The following SDHAF3 variants were observed in gnomAD, a reference collection of about 807,000 sequenced individuals.
SDHAF3 encodes the protein succinate dehydrogenase assembly factor 3, mitochondrial.
A neutral mutation model predicts 11.5 loss-of-function variants in SDHAF3; 18 were observed. That is an observed-to-expected ratio of 1.56 (90% CI 1.08 to 2.32). The LOEUF is 2.32. Among genes scored for constraint, SDHAF3 ranks in the 30% most tolerant of loss-of-function variants. SDHAF3 has a pLI of 0.00. For missense variants in SDHAF3, 200 were observed against 154.4 expected (o/e 1.30, Z -1.57); for synonymous variants, 72 against 59.3 (o/e 1.21, Z -0.99).
chr7:97,160,692 G>A (rs1262972383), intron 1 of SDHAF3, among the ~76,000 whole-genome samples: 1 of 152,228 alleles, frequency 6.6e-6, no homozygotes, highest in African/African-American at 2.4e-5. Flanking sequence ...TGTGACTGTG[G>A]TGAAAGGCAG....
chr7:97,168,537 G>C (rs1040260855), intron 1 of SDHAF3, among the ~76,000 whole-genome samples: 2 of 152,192 alleles, frequency 1.3e-5, no homozygotes, highest in African/African-American at 2.4e-5. Context: ...GGTTAGGTCA[G>C]ATCTCTTTCA....
intron 1 of SDHAF3, among the ~76,000 whole-genome samples, chr7:97,167,847 C>T (rs953439775): frequency 6.6e-6 from 1 of 152,180 alleles, no homozygotes; most frequent in African/African-American, 2.4e-5. Context: ...AGGCAGGAGG[C>T]AGACAAATGC....
chr7:97,133,020 G>A (rs1159989393), intron 1 of SDHAF3, among the ~76,000 whole-genome samples: 1 of 152,092 alleles, frequency 6.6e-6, no homozygotes, highest in East Asian at 1.9e-4. Flanking sequence ...TGTGAAGAGG[G>A]CTCTCATTTC....
rs1467277997 is a variant in SDHAF3 at position 97,117,848 on chromosome 7, A to G, written c.125A>G (p.His42Arg). ...TACGTGAAAGACGAATTTAGGAGAC[A>G]TAAGACCGTTGGTTCTGACGAGGCA... Reference protein sequence around the residue: ...DQYVKDEFRRHKTVGSDEAQR... With the variant: ...DQYVKDEFRRRKTVGSDEAQR... The change falls in exon 1 of 2, where the codon CAT becomes CGT. Residue 42 changes from histidine (H) to arginine (R), a missense_variant. Physicochemically the swap from His to Arg is conservative, Grantham distance 29 (BLOSUM62 0). Coordinates refer to ENST00000432641, the MANE Select transcript of SDHAF3 (RefSeq NM_020186.3). The G allele has an allele frequency of 8.1e-6, 13 of 1,614,120 alleles. No individual in the cohort carries two copies. Among genetic ancestry groups the G allele is most frequent in the African/African-American group, 1.3e-5 (1 of 74,950 alleles).
At chr7:97,123,665 C>T (rs1267090080) in intron 1 of SDHAF3, among the ~76,000 whole-genome samples, 1 of 152,058 alleles carries the variant, frequency 6.6e-6, no homozygotes, top group Non-Finnish European at 1.5e-5. Flanking sequence ...CTGTAGTTTC[C>T]TGATGTTTTA....
intron 1 of SDHAF3, among the ~76,000 whole-genome samples, chr7:97,154,058 C>A (rs1745477680): frequency 6.6e-6 from 1 of 152,020 alleles, no homozygotes; most frequent in South Asian, 2.1e-4. Flanking sequence ...ATCATTAGTT[C>A]TTATAGGTTT....
chr7:97,151,518 A>C (rs1250859102), intron 1 of SDHAF3, among the ~76,000 whole-genome samples: 1 of 100,194 alleles, frequency 1.0e-5, no homozygotes, highest in Non-Finnish European at 2.1e-5. Context: ...TTTTTTTTTG[A>C]GTTGGAGTCT....
chr7:97,157,818 C>T (rs1330844352), intron 1 of SDHAF3, among the ~76,000 whole-genome samples: 1 of 151,916 alleles, frequency 6.6e-6, no homozygotes. Context: ...TTTGTAGGGA[C>T]ATGGATGAAG....
chr7:97,156,536 TTTAA>T (rs1175961168), intron 1 of SDHAF3, among the ~76,000 whole-genome samples: 1 of 152,178 alleles, frequency 6.6e-6, no homozygotes, highest in Non-Finnish European at 1.5e-5. Flanking sequence ...TAGGGGTTAG[TTTAA>T]TTAAACTAGA....
chr7:97,118,088 C>T (rs1453733073), intron 1 of SDHAF3, among the ~76,000 whole-genome samples, 191 bp downstream of exon 1: 1 of 152,204 alleles, frequency 6.6e-6, no homozygotes, highest in Non-Finnish European at 1.5e-5. Context: ...CCTGTTACTT[C>T]AGCGTCCCCA....
intron 1 of SDHAF3, among the ~76,000 whole-genome samples, chr7:97,161,528 C>T (rs1199127560): frequency 2.0e-5 from 3 of 152,056 alleles, no homozygotes; most frequent in Non-Finnish European, 4.4e-5. Context: ...TGCTTTGCTG[C>T]ACCCATCAAC....
chr7:97,175,674 G>A (rs1789668837), intron 1 of SDHAF3, among the ~76,000 whole-genome samples: 1 of 152,304 alleles, frequency 6.6e-6, no homozygotes, highest in Non-Finnish European at 1.5e-5. Flanking sequence ...TACAGTGAAG[G>A]CATAGCTGGC....
At chr7:97,135,542 C>A in intron 1 of SDHAF3, 1 of 151,964 alleles carries the variant, frequency 6.6e-6, no homozygotes, top group East Asian at 1.9e-4. Context: ...TTGGGGTCAC[C>A]TTTAGTCATT....
At chr7:97,122,556 T>C (rs1308091292) in intron 1 of SDHAF3, among the ~76,000 whole-genome samples, 1 of 151,892 alleles carries the variant, frequency 6.6e-6, no homozygotes, top group Admixed American at 6.6e-5. Flanking sequence ...TGTTGACTAA[T>C]ACAGTATTAG....
At chr7:97,150,455 G>A (rs1295264430) in intron 1 of SDHAF3, among the ~76,000 whole-genome samples, 1 of 151,994 alleles carries the variant, frequency 6.6e-6, no homozygotes, top group African/African-American at 2.4e-5. Context: ...TGTTGTATTA[G>A]TAGGCATGAA....
intron 1 of SDHAF3, among the ~76,000 whole-genome samples, chr7:97,149,649 A>G (rs552624603): frequency 6.6e-6 from 1 of 152,252 alleles, no homozygotes; most frequent in Non-Finnish European, 1.5e-5. Flanking sequence ...ATTTAAAAAT[A>G]TTGCTGAAAA....
At chr7:97,136,776 A>C (rs1031101208) in intron 1 of SDHAF3, among the ~76,000 whole-genome samples, 1 of 152,146 alleles carries the variant, frequency 6.6e-6, no homozygotes, top group Non-Finnish European at 1.5e-5. Context: ...ATGTTTGTTC[A>C]CTTACTACTT....
chr7:97,167,530 C>G (rs1789528310), intron 1 of SDHAF3, among the ~76,000 whole-genome samples: 1 of 152,152 alleles, frequency 6.6e-6, no homozygotes, highest in Non-Finnish European at 1.5e-5. Flanking sequence ...GCCAATTTAT[C>G]AAAACGGGAA....
At chr7:97,124,702 G>T (rs1219434258) in intron 1 of SDHAF3, among the ~76,000 whole-genome samples, 1 of 152,096 alleles carries the variant, frequency 6.6e-6, no homozygotes, top group Non-Finnish European at 1.5e-5. Flanking sequence ...TCCTTGAAGA[G>T]GTCCTTTGTG....
Sources: gnomAD v4.1 joint callset for allele counts (sites outside exome capture counted in the v4.1 genomes callset) on GRCh38, gnomAD v4.1.1 for gene constraint, MANE v1.5 for transcripts, NCBI Gene and HGNC (gene_info 2026-07-23, HGNC 2026-07-21) for gene names.